Variants in ABCD3 observed in about 807,000 individuals in gnomAD.
ABCD3 encodes ATP binding cassette subfamily D member 3.
Under a neutral mutation model 105.5 loss-of-function variants are expected in ABCD3, and 41 were observed. The observed-to-expected ratio is 0.39, with a 90% CI of 0.30 to 0.50. The LOEUF (loss-of-function observed/expected upper bound fraction) is 0.50. ABCD3 is among the 20% of genes least tolerant of loss of function. The pLI is 0.84. For synonymous variants in ABCD3, 258 were observed against 269.0 expected (o/e 0.96, Z 0.40); for missense variants, 622 against 806.3 (o/e 0.77, Z 2.77).
At chr1:94,406,477 G>T in the ABCD3 span, 1 of 424,368 alleles carries the variant, frequency 2.4e-6, no homozygotes. Flanking sequence ...TCTCTGGGTG[G>T]AACAGGCTGG....
intron 1 of ABCD3, among the ~76,000 whole-genome samples, chr1:94,446,862 C>T (rs549486315): frequency 1.5e-4 from 23 of 152,202 alleles, no homozygotes; most frequent in South Asian, 1.2e-3. Flanking sequence ...ACTATTCAAC[C>T]GATTGTAACT....
intron 20 of ABCD3, among the ~76,000 whole-genome samples, chr1:94,506,214 A>T (rs1650341510): frequency 6.6e-6 from 1 of 152,172 alleles, no homozygotes; most frequent in Non-Finnish European, 1.5e-5. Context: ...TTTGGTTAAA[A>T]TATGTACTCT....
intron 22 of ABCD3, 84 bp from the exon 23 acceptor site, chr1:94,516,967 AG>A: frequency 1.1e-6 from 1 of 941,962 alleles, no homozygotes; most frequent in East Asian, 2.4e-5. Flanking sequence ...TAAAATAATG[AG>A]GAAGTCTGTA....
the ABCD3 span, among the ~76,000 whole-genome samples, chr1:94,404,660 T>G: frequency 1.5e-4 from 23 of 151,898 alleles, no homozygotes; most frequent in Admixed American, 1.5e-3. Context: ...TGCATCCCCT[T>G]GTAGGTCACA....
At chr1:94,478,440 A>G (rs1648871058) in intron 8 of ABCD3, 125 bp downstream of exon 8, 1 of 1,178,894 alleles carries the variant, frequency 8.5e-7, no homozygotes, top group East Asian at 2.6e-5. Flanking sequence ...CACATGATTT[A>G]CCTAACAAAG....
At chr1:94,420,674 G>A (rs1659224324) in intron 1 of ABCD3, among the ~76,000 whole-genome samples, 1 of 152,146 alleles carries the variant, frequency 6.6e-6, no homozygotes, top group Non-Finnish European at 1.5e-5. Flanking sequence ...ATGGTATTGA[G>A]TGTATTTTTG....
chr1:94,400,256 A>G, the ABCD3 span, among the ~76,000 whole-genome samples: 1 of 152,048 alleles, frequency 6.6e-6, no homozygotes, highest in Non-Finnish European at 1.5e-5. Context: ...TAAAAATACA[A>G]AAATGAGTCC....
intron 1 of ABCD3, among the ~76,000 whole-genome samples, chr1:94,434,327 G>A (rs1288617554): frequency 6.6e-6 from 1 of 152,162 alleles, no homozygotes; most frequent in African/African-American, 2.4e-5. Context: ...GGATCTGCTT[G>A]AGGCTGTTTT....
At chr1:94,504,437 T>C (rs1288552728) in intron 20 of ABCD3, among the ~76,000 whole-genome samples, 1 of 152,142 alleles carries the variant, frequency 6.6e-6, no homozygotes, top group African/African-American at 2.4e-5. Context: ...CCCACTTGGA[T>C]TGTGGCTAGG....
the ABCD3 span, among the ~76,000 whole-genome samples, chr1:94,408,550 C>T: frequency 2.0e-5 from 3 of 151,720 alleles, no homozygotes; most frequent in Non-Finnish European, 2.9e-5. Flanking sequence ...GCTGAGATTG[C>T]GCCACTGCAC....
At chr1:94,397,617 T>C in the ABCD3 span, among the ~76,000 whole-genome samples, 6 of 152,232 alleles carry the variant, frequency 3.9e-5, no homozygotes, top group Non-Finnish European at 7.3e-5. Context: ...CATCAATTTC[T>C]TCCTGGTGTT....
At chr1:94,458,996 C>A (rs1416100847) in intron 2 of ABCD3, among the ~76,000 whole-genome samples, 9 of 141,524 alleles carry the variant, frequency 6.4e-5, no homozygotes, top group Non-Finnish European at 1.2e-4. Flanking sequence ...CCTTTTCTCC[C>A]TTCCTGTCCC....
chr1:94,446,082 AG>A (rs1660336091), intron 1 of ABCD3, among the ~76,000 whole-genome samples: 1 of 152,240 alleles, frequency 6.6e-6, no homozygotes, highest in African/African-American at 2.4e-5. Flanking sequence ...GCTGCCAGAT[AG>A]GGGAAAAAAG....
chr1:94,424,776 T>TA lies in ABCD3; in HGVS notation c.110+6189dup, dbSNP rs1175242459. 4.6e-5 allele frequency among the ~76,000 whole-genome samples: 7 copies of TA among 152,336 alleles called. No individual in the cohort carries two copies. In the South Asian group the frequency reaches 1.2e-3, roughly 27 times the overall value. ...AGACTTTACTTTTCTCCTTAGCACT[T>TA]ATCACTATAAAATATGCTATATATT... On this transcript the variant is annotated intron_variant, in intron 1 of 22. Coordinates refer to ENST00000370214, the MANE Select transcript of ABCD3 (RefSeq NM_002858.4).
At chr1:94,498,735 A>G in intron 17 of ABCD3, 48 bp from the exon 18 acceptor site, 1 of 1,612,958 alleles carries the variant, frequency 6.2e-7, no homozygotes, top group Admixed American at 1.7e-5. Context: ...ACTGTCTACC[A>G]CTTTGTAAAT....
At chr1:94,391,828 A>G in the ABCD3 span, among the ~76,000 whole-genome samples, 1 of 152,190 alleles carries the variant, frequency 6.6e-6, no homozygotes, top group Non-Finnish European at 1.5e-5. Flanking sequence ...GAAAGAGACC[A>G]ATCAGAGGTT....
chr1:94,478,352 A>C lies in ABCD3; in HGVS notation c.684+37A>C, dbSNP rs556318157. 6.1e-6 allele frequency: 9 copies of C among 1,486,876 alleles called. No individual in the cohort carries two copies. The Admixed American group carries it at 1.3e-4, about 22-fold the overall frequency. The allele number at this position is 1,486,876 out of a possible 1,614,324, so 92.1% of individuals were successfully genotyped here. On this transcript the variant is annotated intron_variant, in intron 8 of 22. Transcript: ENST00000370214. ...TTTATTTCAACTTTTAAATTGATATAATATAATATTTGAAATACATATTGT... is the reference window on the plus strand; with the variant it reads ...TTTATTTCAACTTTTAAATTGATATCATATAATATTTGAAATACATATTGT...
intron 19 of ABCD3, 78 bp from the exon 20 acceptor site, chr1:94,499,417 C>T: frequency 7.1e-7 from 1 of 1,401,984 alleles, no homozygotes; most frequent in Admixed American, 1.7e-5. Context: ...ATAGTGATTC[C>T]AGTTTAAAAA....
chr1:94,477,018 A>G (rs1394533322), intron 7 of ABCD3, among the ~76,000 whole-genome samples: 1 of 151,920 alleles, frequency 6.6e-6, no homozygotes, highest in Non-Finnish European at 1.5e-5. Context: ...AAATCTTGGC[A>G]CTTGAGCAAG....
Sources: gnomAD v4.1 joint callset for allele counts (sites outside exome capture counted in the v4.1 genomes callset) on GRCh38, gnomAD v4.1.1 for gene constraint, MANE v1.5 for transcripts, NCBI Gene and HGNC (gene_info 2026-07-23, HGNC 2026-07-21) for gene names.